The following SLC39A9 variants were observed in gnomAD, a reference collection of about 807,000 sequenced individuals.
SLC39A9 encodes solute carrier family 39 member 9.
Under a neutral mutation model 28.4 loss-of-function variants are expected in SLC39A9, and 14 were observed. That is an observed-to-expected ratio of 0.49 (90% confidence interval 0.33 to 0.77). The LOEUF (loss-of-function observed/expected upper bound fraction) is 0.77. Among genes scored for constraint, SLC39A9 ranks in the 30% least tolerant of loss-of-function variants. The pLI is 0.02. For synonymous variants in SLC39A9, 119 were observed against 149.6 expected, an observed-to-expected ratio of 0.80 and a Z score of 1.49; for missense variants, 283 against 381.1, an observed-to-expected ratio of 0.74 and a Z score of 2.14.
At chr14:69,447,192 G>A (rs1885367952) in intron 3 of SLC39A9, among the ~76,000 whole-genome samples, 2 of 152,086 alleles carry the variant, frequency 1.3e-5, no homozygotes, top group Admixed American at 1.3e-4. Context: ...TACCTTGATC[G>A]GATAGTCAAA....
At chr14:69,437,054 A>G (rs1360993552) in intron 2 of SLC39A9, among the ~76,000 whole-genome samples, 2 of 152,090 alleles carry the variant, frequency 1.3e-5, no homozygotes, top group Non-Finnish European at 2.9e-5. Context: ...TTTTTAGTAG[A>G]GACGGGGTTT....
At chr14:69,448,428 C>T (rs1343536977) in intron 3 of SLC39A9, among the ~76,000 whole-genome samples, 1 of 152,078 alleles carries the variant, frequency 6.6e-6, no homozygotes, top group Non-Finnish European at 1.5e-5. Context: ...CAGTGAGCAG[C>T]AGATGTACAT....
At position 69,460,051 on chromosome 14, in the gene SLC39A9, T is replaced by C; in HGVS notation, c.*1458T>C. The C allele has an allele frequency of 1.0e-6, 1 of 984,692 alleles. No homozygotes were observed. The highest frequency in any genetic ancestry group is 4.7e-5 in the South Asian group (1 of 21,274). The allele number at this position is 984,692 out of a possible 1,614,324, so 61.0% of individuals were successfully genotyped here. ...ACAGACTAGGATAATTTTTTTTTCA[T>C]ATTTGCCAAAATTTTTGTAAACCCT... On this transcript the variant is annotated 3_prime_UTR_variant, in exon 7 of 7. Coordinates refer to ENST00000336643, the MANE Select transcript of SLC39A9 (RefSeq NM_018375.5).
chr14:69,429,271 T>A (rs1447741423), intron 2 of SLC39A9: 2 of 152,190 alleles, frequency 1.3e-5, no homozygotes, highest in Non-Finnish European at 2.9e-5. Flanking sequence ...TATTTTTAAA[T>A]TTTTTTAATC....
chr14:69,422,829 C>T (rs1166335105), intron 1 of SLC39A9, among the ~76,000 whole-genome samples: 2 of 152,124 alleles, frequency 1.3e-5, no homozygotes, highest in African/African-American at 2.4e-5. Flanking sequence ...GGTGATCCAC[C>T]CACCTAGTTG....
At chr14:69,427,719 AG>A (rs1460221701) in intron 2 of SLC39A9, among the ~76,000 whole-genome samples, 2 of 152,178 alleles carry the variant, frequency 1.3e-5, no homozygotes, top group East Asian at 3.8e-4. Flanking sequence ...AATGCATTTG[AG>A]GGTCAGTATA....
At position 69,401,927 on chromosome 14, in the gene SLC39A9, G is replaced by A. The variant is rs559129479; in HGVS notation, c.96+2462G>A. Among the ~76,000 whole-genome samples, 19 of 152,146 alleles carry A rather than the reference G, an allele frequency of 1.2e-4. No individual in the cohort carries two copies. In the East Asian group the frequency reaches 3.7e-3, roughly 29 times the overall value. On this transcript the variant is annotated intron_variant, in intron 1 of 6. Coordinates refer to ENST00000336643, the MANE Select transcript of SLC39A9 (RefSeq NM_018375.5). ...TCTAGGTAAATTATGCCATTATTATGGACCAATGTTGTAATGAAACTAGTG... is the reference window on the plus strand; with the variant it reads ...TCTAGGTAAATTATGCCATTATTATAGACCAATGTTGTAATGAAACTAGTG...
chr14:69,457,153 A>G (rs1282569925), intron 6 of SLC39A9, among the ~76,000 whole-genome samples: 1 of 151,900 alleles, frequency 6.6e-6, no homozygotes, highest in Non-Finnish European at 1.5e-5. Context: ...TTAGTTTTAT[A>G]AAGATTAGCT....
At chr14:69,413,725 T>G (rs1594907745) in intron 1 of SLC39A9, among the ~76,000 whole-genome samples, 1 of 152,094 alleles carries the variant, frequency 6.6e-6, no homozygotes, top group Non-Finnish European at 1.5e-5. Flanking sequence ...TTTTTGGAGA[T>G]AAATTTTTTT....
In SLC39A9 at chr14:69,417,377, C is replaced by T. The variant is rs532504855; in HGVS notation, c.97-6717C>T. On this transcript the variant is annotated intron_variant, in intron 1 of 6. Transcript: ENST00000336643. The stretch of plus-strand genomic sequence containing the variant: ...ACCATGCTGTTTTGGTTACTGTAGC[C>T]TTGTAATATAGTTGGAAGTCAGATA... 5.9e-5 allele frequency among the ~76,000 whole-genome samples: 9 copies of T among 152,234 alleles called. No homozygotes were observed. In the South Asian group the frequency reaches 1.9e-3, roughly 32 times the overall value.
intron 2 of SLC39A9, among the ~76,000 whole-genome samples, chr14:69,425,396 G>A (rs540028817): frequency 6.6e-6 from 1 of 152,224 alleles, no homozygotes; most frequent in Non-Finnish European, 1.5e-5. Flanking sequence ...GTCCTTTTAT[G>A]GGTGGCAGTT....
intron 3 of SLC39A9, among the ~76,000 whole-genome samples, chr14:69,449,635 A>G (rs1885509814): frequency 6.6e-6 from 1 of 152,124 alleles, no homozygotes; most frequent in Admixed American, 6.5e-5. Flanking sequence ...TTAAAAAAAG[A>G]GAGAGAAAAA....
chr14:69,416,169 T>G (rs181946002), intron 1 of SLC39A9, among the ~76,000 whole-genome samples: 37 of 151,964 alleles, frequency 2.4e-4, no homozygotes, highest in African/African-American at 4.3e-4. Flanking sequence ...CCCCACCCTG[T>G]GTCCAAGTGT....
At chr14:69,446,954 AGAGAGAGAGAGAGC>A (rs1885353535) in intron 3 of SLC39A9, among the ~76,000 whole-genome samples, 3 of 147,804 alleles carry the variant, frequency 2.0e-5, no homozygotes, top group African/African-American at 7.5e-5. Flanking sequence ...ATATAGAGAG[AGAGAGAGAGAGAGC>A]GAGAGAGAGA....
intron 1 of SLC39A9, among the ~76,000 whole-genome samples, chr14:69,409,727 A>G (rs538190393): frequency 2.6e-5 from 4 of 152,322 alleles, no homozygotes; most frequent in Non-Finnish European, 4.4e-5. Context: ...CATTTTTGTC[A>G]TGATAATAGT....
chr14:69,402,667 C>G (rs1320431951), intron 1 of SLC39A9, among the ~76,000 whole-genome samples: 1 of 151,856 alleles, frequency 6.6e-6, no homozygotes, highest in African/African-American at 2.4e-5. Context: ...TACTTTCATG[C>G]CTTAAAAATT....
At chr14:69,447,912 C>CAAAA (rs1268361741) in intron 3 of SLC39A9, among the ~76,000 whole-genome samples, 1 of 110,336 alleles carries the variant, frequency 9.1e-6, no homozygotes. Flanking sequence ...GGCCCTGTCT[C>CAAAA]CAAAAAAAAA....
At chr14:69,441,941 A>G in intron 2 of SLC39A9, 128 bp from the exon 3 acceptor site, 4 of 1,431,944 alleles carry the variant, frequency 2.8e-6, no homozygotes. Flanking sequence ...TGGCTGGATT[A>G]CAATATAAAA....
At chr14:69,405,674 C>T (rs1882875072) in intron 1 of SLC39A9, among the ~76,000 whole-genome samples, 1 of 152,148 alleles carries the variant, frequency 6.6e-6, no homozygotes, top group African/African-American at 2.4e-5. Flanking sequence ...CTTGTCTTTT[C>T]TCAGATTGAA....
Sources: allele counts gnomAD v4.1 joint callset (sites outside exome capture counted in the v4.1 genomes callset), GRCh38; gene constraint gnomAD v4.1.1; transcripts MANE v1.5; gene names NCBI Gene and HGNC (gene_info 2026-07-23, HGNC 2026-07-21).